Variants in KIAA0408 observed in about 807,000 individuals in gnomAD.
The protein encoded by KIAA0408 is uncharacterized protein KIAA0408.
A neutral mutation model predicts 60.9 loss-of-function variants in KIAA0408; 51 were observed. That is an observed-to-expected ratio of 0.84 (90% CI 0.67 to 1.06). The LOEUF (loss-of-function observed/expected upper bound fraction) is 1.06, where lower values mean the gene tolerates loss of function less well. Among genes scored for constraint, KIAA0408 ranks in the 50% least tolerant of loss-of-function variants. The pLI, the probability that KIAA0408 is intolerant of heterozygous loss-of-function variation, is 0.00. For synonymous variants in KIAA0408, 304 were observed against 282.4 expected, an observed-to-expected ratio of 1.08 and a Z score of -0.77; for missense variants, 787 against 833.9, an observed-to-expected ratio of 0.94 and a Z score of 0.69.
rs553277900 is a variant in KIAA0408 at position 127,439,327 on chromosome 6, T to G, written c.*4782A>C. The G allele has an allele frequency of 6.6e-6, 1 of 152,348 alleles. No individual in the cohort carries two copies. The highest frequency in any genetic ancestry group is 1.9e-4 in the East Asian group (1 of 5,184). 9.4% of individuals were successfully genotyped at this position (152,348 alleles called of 1,614,324 possible). ...TTTGAAGATTGAGGTCAGGATTCAG[T>G]TGACGCTAGAGATGAATACTGATTG... On this transcript the variant is annotated 3_prime_UTR_variant, in exon 6 of 6. Transcript: ENST00000483725.
chr6:127,454,010 T>C lies in KIAA0408; in HGVS notation c.-29A>G, dbSNP rs1334842466. 3 of 1,598,416 alleles carry C rather than the reference T, an allele frequency of 1.9e-6. No homozygotes were observed. In the East Asian group the frequency reaches 6.7e-5, roughly 36 times the overall value. On this transcript the variant is annotated 5_prime_UTR_variant, in exon 2 of 6. Transcript: ENST00000483725. ...AACAGTGTAAGTGTCAGCAAAGAAG[T>C]GTTTCTGCTCTTCTCTGCCTCCTCT... is the stretch of plus-strand genomic sequence containing the variant.
intron 1 of KIAA0408, among the ~76,000 whole-genome samples, chr6:127,454,499 A>G (rs1229334766): frequency 6.6e-6 from 1 of 152,096 alleles, no homozygotes; most frequent in Non-Finnish European, 1.5e-5. Flanking sequence ...TTCTGATGCA[A>G]CCTGATTATA....
In KIAA0408 at chr6:127,443,419, C is replaced by T. The variant is rs1331534854; in HGVS notation, c.*690G>A. ...AACATTTTATGCTTGCTTTACAAGGCTGATCTATTAAACTTGTGACATTTT... is the reference window on the plus strand; with the variant it reads ...AACATTTTATGCTTGCTTTACAAGGTTGATCTATTAAACTTGTGACATTTT... On this transcript the variant is annotated 3_prime_UTR_variant, in exon 6 of 6. Coordinates refer to ENST00000483725, the MANE Select transcript of KIAA0408 (RefSeq NM_014702.5). 1 of 152,026 alleles carries T rather than the reference C, an allele frequency of 6.6e-6. No homozygotes were observed. The highest frequency in any genetic ancestry group is 1.5e-5 in the Non-Finnish European group (1 of 67,980). 9.4% of individuals were successfully genotyped at this position (152,026 alleles called of 1,614,324 possible). A position where few individuals can be genotyped will look rare whatever the true frequency, so the allele number is the denominator to read the frequency against.
intron 5 of KIAA0408, 60 bp downstream of exon 5, chr6:127,446,348 A>AT: frequency 6.5e-7 from 1 of 1,545,318 alleles, no homozygotes; most frequent in Non-Finnish European, 8.7e-7. Flanking sequence ...ACATATAAAC[A>AT]TGATTCAGAG....
intron 2 of KIAA0408, 119 bp from the exon 3 acceptor site, chr6:127,450,471 G>A (rs41285270): frequency 2.1e-6 from 3 of 1,400,848 alleles, no homozygotes; most frequent in African/African-American, 1.4e-5. Flanking sequence ...TACTTCCTGG[G>A]TATTAATGCT....
Position 127,444,290 on chromosome 6 carries a change from A to G in KIAA0408, c.1912-8T>C, listed in dbSNP as rs966858319. 2.6e-6 allele frequency: 4 copies of G among 1,557,536 alleles called. No individual in the cohort carries two copies. The East Asian group carries it at 6.9e-5, about 27-fold the overall frequency. ...GTTCACTGACATGGATTCCTAGGACACAAGTAAAAACATTCCTCTCACTCT... is the reference window on the plus strand; with the variant it reads ...GTTCACTGACATGGATTCCTAGGACGCAAGTAAAAACATTCCTCTCACTCT... On this transcript the variant is annotated splice_polypyrimidine_tract_variant and splice_region_variant and intron_variant, in intron 5 of 5. Coordinates refer to ENST00000483725, the MANE Select transcript of KIAA0408 (RefSeq NM_014702.5).
rs574559411 is a variant in KIAA0408, at chr6:127,441,983, C to A, written c.*2126G>T. The A allele has an allele frequency of 1.3e-5, 2 of 152,118 alleles. No homozygotes were observed. The highest frequency in any genetic ancestry group is 4.8e-5 in the African/African-American group (2 of 41,420). 9.4% of individuals were successfully genotyped at this position (152,118 alleles called of 1,614,324 possible). ...CTGAAAGTATAGCCATTCTAATTTACAGATAACAAAGGCAAGTCCTAGGAA... is the reference window on the plus strand; with the variant it reads ...CTGAAAGTATAGCCATTCTAATTTAAAGATAACAAAGGCAAGTCCTAGGAA... On this transcript the variant is annotated 3_prime_UTR_variant, in exon 6 of 6. Transcript: ENST00000483725.
chr6:127,459,364 T>G lies in KIAA0408; in HGVS notation c.-310A>C, dbSNP rs1773449667. The G allele has an allele frequency of 1.3e-5, 2 of 152,166 alleles. No homozygotes were observed. The highest frequency in any genetic ancestry group is 2.9e-5 in the Non-Finnish European group (2 of 68,044). 9.4% of individuals were successfully genotyped at this position (152,166 alleles called of 1,614,324 possible). A position where few individuals can be genotyped will look rare whatever the true frequency, so the allele number is the denominator to read the frequency against. ...GTACTGACAAGTCCCTTTGAAACCT[T>G]CACCACTTTTACAAGTCAAAAAGCT... On this transcript the variant is annotated 5_prime_UTR_variant, in exon 1 of 6. Coordinates refer to ENST00000483725, the MANE Select transcript of KIAA0408 (RefSeq NM_014702.5).
Position 127,447,693 on chromosome 6 carries a change from A to G in KIAA0408, c.626T>C (p.Ile209Thr), listed in dbSNP as rs200239884. The change falls in exon 5 of 6, where the codon ATA (isoleucine) becomes ACA (threonine). Residue 209 changes from isoleucine (I) to threonine (T), a missense_variant. Ile to Thr is a moderately conservative substitution (Grantham distance 89). Around this residue, in one of 3 missense-constraint regions of KIAA0408, gnomAD observed 640 missense variants for 681.3 expected, o/e 0.94. Coordinates refer to ENST00000483725, the MANE Select transcript of KIAA0408 (RefSeq NM_014702.5). ...FLQEMPNVTN[I>T]PHGDPMINND... ...GTTGATCATGGGGTCCCCATGAGGT[A>G]TATTAGTTACATTTGGCATTTCCTG... is the stretch of plus-strand genomic sequence containing the variant. The G allele has an allele frequency of 2.0e-5, 31 of 1,573,480 alleles. No homozygotes were observed. The highest frequency in any genetic ancestry group is 1.9e-4 in the African/African-American group (14 of 72,552).
At chr6:127,450,699 C>T (rs1773287763) in intron 2 of KIAA0408, 1 of 182,218 alleles carries the variant, frequency 5.5e-6, no homozygotes, top group African/African-American at 2.4e-5. Context: ...TATATAATTG[C>T]TTTCAGAGAG....
At chr6:127,449,123 G>A (rs557720422) in intron 4 of KIAA0408, among the ~76,000 whole-genome samples, 87 of 152,076 alleles carry the variant, frequency 5.7e-4, no homozygotes, top group Non-Finnish European at 9.7e-4. Flanking sequence ...TAAGCAAAAC[G>A]CCACACTGTT....
In KIAA0408 at chr6:127,443,362, T is replaced by C. The variant is rs913748020; in HGVS notation, c.*747A>G. On this transcript the variant is annotated 3_prime_UTR_variant, in exon 6 of 6. Transcript: ENST00000483725. ...ATCAAATATTCAGTTAAAGCCATAC[T>C]AGACTACCAAATAATATATAAAACA... 2.6e-5 allele frequency: 4 copies of C among 152,198 alleles called. No individual in the cohort carries two copies. The highest frequency in any genetic ancestry group is 4.4e-5 in the Non-Finnish European group (3 of 68,010). 9.4% of individuals were successfully genotyped at this position (152,198 alleles called of 1,614,324 possible). A position where few individuals can be genotyped will look rare whatever the true frequency, so the allele number is the denominator to read the frequency against.
At chr6:127,455,294 G>T (rs939535439) in intron 1 of KIAA0408, among the ~76,000 whole-genome samples, 15 of 152,102 alleles carry the variant, frequency 9.9e-5, no homozygotes, top group African/African-American at 3.6e-4. Flanking sequence ...GCTAATTACG[G>T]ACAAAGATCC....
rs140951137 is a variant in KIAA0408, at chr6:127,447,370, G to T, written c.949C>A (p.Gln317Lys). 123 of 1,612,392 alleles carry T rather than the reference G, an allele frequency of 7.6e-5. No homozygotes were observed. The African/African-American group carries it at 1.0e-3, about 13-fold the overall frequency. The change falls in exon 5 of 6, where the codon CAA (glutamine) becomes AAA (lysine). Residue 317 changes from glutamine (Q) to lysine (K), a missense_variant. Coordinates refer to ENST00000483725, the MANE Select transcript of KIAA0408 (RefSeq NM_014702.5). ...GGATACAACATAGACATCTCTTGTT[G>T]TCTCAAAGGGAAGTGAGGGTTGTAA... ...RNYNPHFPLR[Q>K]QEMSMLYPNE... is the part of the protein sequence containing the mutation.
In KIAA0408 at chr6:127,454,189, A is replaced by G. The variant is rs934811573; in HGVS notation, c.-120-88T>C. 8.3e-6 allele frequency: 10 copies of G among 1,206,272 alleles called. No individual in the cohort carries two copies. In the Admixed American group the frequency reaches 2.6e-4, roughly 31 times the overall value. 74.7% of individuals were successfully genotyped at this position (1,206,272 alleles called of 1,614,324 possible). A position where few individuals can be genotyped will look rare whatever the true frequency, so the allele number is the denominator to read the frequency against. The stretch of plus-strand genomic sequence containing the variant: ...ATTTTGTCGAGCCATTGACATAAAC[A>G]AACTATAGGAAAATTGGACTCAAAA... On this transcript the variant is annotated intron_variant, in intron 1 of 5. Transcript: ENST00000483725.
Position 127,439,809 on chromosome 6 carries a change from A to C in KIAA0408, c.*4300T>G, listed in dbSNP as rs1215858419. 6.6e-6 allele frequency: 1 copy of C among 152,206 alleles called. No individual in the cohort carries two copies. The highest frequency in any genetic ancestry group is 2.4e-5 in the African/African-American group (1 of 41,450). 9.4% of individuals were successfully genotyped at this position (152,206 alleles called of 1,614,324 possible). A position where few individuals can be genotyped will look rare whatever the true frequency, so the allele number is the denominator to read the frequency against. ...TGTAGTTTGTTGTAAGAAGCAGACA[A>C]GTCGTGGAATATGAATTTGCTTTGC... On this transcript the variant is annotated 3_prime_UTR_variant, in exon 6 of 6. Transcript: ENST00000483725.
At chr6:127,451,145 A>G (rs1324957732) in intron 2 of KIAA0408, 1 of 369,516 alleles carries the variant, frequency 2.7e-6, no homozygotes, top group Non-Finnish European at 5.3e-6. Flanking sequence ...GGGTCATGTA[A>G]AAGCTTGTCA....
chr6:127,451,955 A>C (rs973228059), intron 2 of KIAA0408, among the ~76,000 whole-genome samples: 2 of 152,174 alleles, frequency 1.3e-5, no homozygotes, highest in Non-Finnish European at 2.9e-5. Context: ...ACAGTGTGGA[A>C]AAAAACAAAA....
Position 127,446,628 on chromosome 6 carries a change from T to C in KIAA0408, c.1691A>G (p.Glu564Gly). 1 of 1,614,148 alleles carries C rather than the reference T, an allele frequency of 6.2e-7. No individual in the cohort carries two copies. The highest frequency in any genetic ancestry group is 8.5e-7 in the Non-Finnish European group (1 of 1,180,020). Residue 564 changes from glutamate (E) to glycine (G), a missense_variant, in exon 5 of 6, where the codon GAA (glutamate) becomes GGA (glycine). Glu to Gly is a moderately conservative substitution (Grantham distance 98). This residue lies in a region of KIAA0408 where 640 missense variants were observed against 681.3 expected (regional missense o/e 0.94). Coordinates refer to ENST00000483725, the MANE Select transcript of KIAA0408 (RefSeq NM_014702.5). ...TGTCTCATAGGTTTTCAGCAGCTTT[T>C]CCACAACACCATAATTTGACCTGGG... ...ADPRSNYGVVEKLLKTYETAT... is the reference protein window; with the variant it reads ...ADPRSNYGVVGKLLKTYETAT...
Sources: gnomAD v4.1 joint callset for allele counts (sites outside exome capture counted in the v4.1 genomes callset) on GRCh38, gnomAD v4.1.1 for gene constraint, gnomAD v4.1.1 regional missense constraint, MANE v1.5 for transcripts, NCBI Gene and HGNC (gene_info 2026-07-23, HGNC 2026-07-21) for gene names.